FGF13: variants seen among roughly 807,000 people sequenced by gnomAD.
The protein encoded by FGF13 is fibroblast growth factor 13.
In FGF13, 2 loss-of-function variants were observed where a neutral mutation model predicts 19.5. That is an observed-to-expected ratio of 0.10 (90% confidence interval 0.04 to 0.32). The LOEUF is 0.32. FGF13 is among the 10% of genes least tolerant of loss of function. The pLI is 1.00. For synonymous variants in FGF13, 72 were observed against 76.9 expected, an observed-to-expected ratio of 0.94 and a Z score of 0.33; for missense variants, 113 against 192.7, an observed-to-expected ratio of 0.59 and a Z score of 2.45.
chrX:138,727,169 T>A (rs903502830), intron 1 of FGF13, among the ~76,000 whole-genome samples: 13 of 110,676 alleles, frequency 1.2e-4, no homozygotes, highest in African/African-American at 3.6e-4. Context: ...TTTTTTTTTT[T>A]AACTCAGAGG....
At chrX:138,767,106 G>A (rs367996882) in intron 3 of FGF13, among the ~76,000 whole-genome samples, 2 of 111,424 alleles carry the variant, frequency 1.8e-5, no homozygotes, top group African/African-American at 6.5e-5. Flanking sequence ...GGGAATCTAC[G>A]TTTTCTGCTA....
chrX:138,809,087 T>A (rs1436997018), intron 3 of FGF13, among the ~76,000 whole-genome samples: 1 of 111,973 alleles, frequency 8.9e-6, no homozygotes, highest in Non-Finnish European at 1.9e-5. Flanking sequence ...CCTCCCTAAC[T>A]CATTTTATGA....
At chrX:139,139,122 G>A (rs1253230641) in intron 1 of FGF13, among the ~76,000 whole-genome samples, 1 of 110,110 alleles carries the variant, frequency 9.1e-6, no homozygotes, top group South Asian at 4.0e-4. Flanking sequence ...TACTAAAGAC[G>A]TGGTTTCACC....
At chrX:138,962,405 A>C (rs2091875928) in intron 1 of FGF13, among the ~76,000 whole-genome samples, 1 of 112,220 alleles carries the variant, frequency 8.9e-6, no homozygotes, top group Non-Finnish European at 1.9e-5. Flanking sequence ...TGGAACTGTA[A>C]ACTGGTTCAA....
At chrX:139,186,126 T>C (rs1045357157) in intron 1 of FGF13, among the ~76,000 whole-genome samples, 2 of 112,112 alleles carry the variant, frequency 1.8e-5, no homozygotes, top group African/African-American at 6.5e-5. Context: ...GTCTGCTATG[T>C]ACCTTAGAAG....
exon 3 of FGF13, chrX:138,857,556 C>T (rs765184098): frequency 4.4e-5 from 53 of 1,206,014 alleles, no homozygotes; most frequent in Non-Finnish European, 5.3e-5. Context: ...CTTCAGCGGG[C>T]AGCAGAAGAT....
chrX:139,047,365 T>C (rs1387293850), intron 1 of FGF13, among the ~76,000 whole-genome samples: 1 of 111,600 alleles, frequency 9.0e-6, no homozygotes, highest in Non-Finnish European at 1.9e-5. Flanking sequence ...CCTTATTATT[T>C]TGGAGAATGA....
At chrX:138,693,775 G>T (rs181264413) in intron 3 of FGF13, among the ~76,000 whole-genome samples, 1,663 of 111,391 alleles carry the variant, frequency 0.015, 32 homozygotes, top group African/African-American at 0.051. Flanking sequence ...TATGCTTTTT[G>T]ATTTTATTTG....
At chrX:139,028,616 T>TGTGTGTGTGTGTGAGAGA (rs1432577338) in intron 1 of FGF13, among the ~76,000 whole-genome samples, 1 of 74,285 alleles carries the variant, frequency 1.3e-5, no homozygotes, top group Non-Finnish European at 2.5e-5. Flanking sequence ...TGTGTGTGTG[T>TGTGTGTGTGTGTGAGAGA]GAGAGAGAGA....
chrX:138,615,143 G>A lies in FGF13; in HGVS notation c.*17707C>T, dbSNP rs979396109. ...GTGGTTACCCAAATATACACATGTGGTAAAATTGCATAGACCTACACACAT... is the reference window on the plus strand; with the variant it reads ...GTGGTTACCCAAATATACACATGTGATAAAATTGCATAGACCTACACACAT... On this transcript the variant is annotated 3_prime_UTR_variant, in exon 5 of 5. Transcript: ENST00000315930. 1.2e-4 allele frequency: 13 copies of A among 110,909 alleles called. No individual in the cohort carries two copies. The Admixed American group carries it at 1.2e-3, about 11-fold the overall frequency. 9.1% of individuals were successfully genotyped at this position (110,909 alleles called of 1,213,427 possible). A position where few individuals can be genotyped will look rare whatever the true frequency, so the allele number is the denominator to read the frequency against.
intron 3 of FGF13, among the ~76,000 whole-genome samples, chrX:138,832,916 T>C (rs1227983392): frequency 7.1e-5 from 8 of 112,024 alleles, no homozygotes; most frequent in Non-Finnish European, 9.4e-5. Flanking sequence ...TATTGAATAG[T>C]GACTCCTTCC....
At chrX:138,948,152 G>C (rs1353286365) in intron 1 of FGF13, among the ~76,000 whole-genome samples, 2 of 111,698 alleles carry the variant, frequency 1.8e-5, no homozygotes, top group Non-Finnish European at 3.8e-5. Flanking sequence ...CACAGAAGGG[G>C]CAGGTGTGTT....
At chrX:139,156,225 C>G (rs2083975832) in intron 1 of FGF13, among the ~76,000 whole-genome samples, 1 of 112,248 alleles carries the variant, frequency 8.9e-6, no homozygotes, top group African/African-American at 3.2e-5. Flanking sequence ...TATAAACCCA[C>G]TTTTGCCCAC....
chrX:138,728,538 G>C (rs1001361659), intron 1 of FGF13, among the ~76,000 whole-genome samples: 6 of 111,016 alleles, frequency 5.4e-5, no homozygotes, highest in African/African-American at 2.0e-4. Flanking sequence ...TCTAATATAT[G>C]CTAGTAAACA....
intron 1 of FGF13, among the ~76,000 whole-genome samples, chrX:139,194,961 G>C (rs1454116512): frequency 8.9e-6 from 1 of 111,979 alleles, no homozygotes; most frequent in East Asian, 2.8e-4. Context: ...GCCCACCGCC[G>C]CTGCCGCCGC....
chrX:138,730,959 T>A (rs2090225958), intron 1 of FGF13, among the ~76,000 whole-genome samples: 1 of 111,682 alleles, frequency 9.0e-6, no homozygotes, highest in African/African-American at 3.2e-5. Flanking sequence ...TGGTGAAGGA[T>A]ATTATCAGAG....
intron 1 of FGF13, among the ~76,000 whole-genome samples, chrX:139,065,561 T>C (rs1421466096): frequency 9.8e-6 from 1 of 102,359 alleles, no homozygotes; most frequent in East Asian, 3.1e-4. Context: ...CCAACAAAGA[T>C]CAAAAGACAC....
chrX:139,160,230 C>T (rs1157956079), intron 1 of FGF13, among the ~76,000 whole-genome samples: 2 of 112,153 alleles, frequency 1.8e-5, no homozygotes, highest in Non-Finnish European at 3.8e-5. Context: ...CAACCTGCTC[C>T]TGAATGACTA....
intron 1 of FGF13, among the ~76,000 whole-genome samples, chrX:139,074,147 G>C (rs1433634055): frequency 8.9e-6 from 1 of 112,071 alleles, no homozygotes; most frequent in Non-Finnish European, 1.9e-5. Context: ...GGAATAACAT[G>C]TGTGGTGGCA....
Sources: gnomAD v4.1 joint callset for allele counts (sites outside exome capture counted in the v4.1 genomes callset) on GRCh38, gnomAD v4.1.1 for gene constraint, MANE v1.5 for transcripts, NCBI Gene and HGNC (gene_info 2026-07-23, HGNC 2026-07-21) for gene names.